The following SHROOM2 variants were observed in gnomAD, a reference collection of about 807,000 sequenced individuals.
The protein encoded by SHROOM2 is shroom family member 2.
In SHROOM2, 33 loss-of-function variants were observed where a neutral mutation model predicts 75.9. The ratio of observed to expected loss-of-function variants is 0.43; its 90% CI spans 0.33 to 0.58. The LOEUF is 0.58. SHROOM2 is among the 20% of genes least tolerant of loss of function. SHROOM2 has a pLI of 0.04. For synonymous variants in SHROOM2, 655 were observed against 663.6 expected (o/e 0.99, Z 0.20); for missense variants, 1,434 against 1,461.2 (o/e 0.98, Z 0.30).
chrX:9,947,091 G>T lies in SHROOM2; in HGVS notation c.*154G>T, dbSNP rs781169320. 1.8e-6 allele frequency: 1 copy of T among 565,087 alleles called. No homozygotes were observed. The highest frequency in any genetic ancestry group is 2.3e-5 in the African/African-American group (1 of 42,930). The allele number at this position is 565,087 out of a possible 1,213,427, so 46.6% of individuals were successfully genotyped here. On this transcript the variant is annotated 3_prime_UTR_variant, in exon 10 of 10. Transcript: ENST00000380913. ...TATAAAAGCAATAACTTTTGTGTTT[G>T]TGTGGGATGATTTATTTAATTTTTT...
At chrX:9,933,988 G>A (rs73476626) in intron 6 of SHROOM2, among the ~76,000 whole-genome samples, 156 of 111,433 alleles carry the variant, frequency 1.4e-3, no homozygotes, top group African/African-American at 4.9e-3. Flanking sequence ...GATGGGAGTG[G>A]GGGGTGCTCT....
intron 5 of SHROOM2, among the ~76,000 whole-genome samples, chrX:9,920,045 T>A (rs902588229): frequency 3.2e-4 from 36 of 111,419 alleles, no homozygotes; most frequent in East Asian, 2.0e-3. Flanking sequence ...ACATCTCAAC[T>A]CACTACAACT....
chrX:9,934,562 A>C (rs989680349), intron 6 of SHROOM2, among the ~76,000 whole-genome samples: 1 of 111,450 alleles, frequency 9.0e-6, no homozygotes, highest in African/African-American at 3.3e-5. Context: ...ACGGCTCATT[A>C]ACAGGAGAAA....
intron 1 of SHROOM2, among the ~76,000 whole-genome samples, chrX:9,789,506 G>A (rs1310644573): frequency 9.0e-6 from 1 of 111,516 alleles, no homozygotes; most frequent in African/African-American, 3.3e-5. Flanking sequence ...AGGAATCTAT[G>A]TAACGGAAGT....
intron 1 of SHROOM2, among the ~76,000 whole-genome samples, chrX:9,863,285 C>T (rs760945797): frequency 2.4e-4 from 27 of 111,375 alleles, no homozygotes; most frequent in Non-Finnish European, 4.3e-4. Context: ...ATCTTCACCT[C>T]ATCTCCCTCC....
intron 1 of SHROOM2, among the ~76,000 whole-genome samples, chrX:9,792,058 A>C (rs1423836753): frequency 9.5e-5 from 2 of 21,118 alleles, no homozygotes; most frequent in Admixed American, 5.4e-4. Context: ...ATAGAATAGA[A>C]TAGAATAGAA....
At chrX:9,788,008 A>G (rs2083625796) in intron 1 of SHROOM2, among the ~76,000 whole-genome samples, 1 of 89,412 alleles carries the variant, frequency 1.1e-5, no homozygotes, top group Non-Finnish European at 2.1e-5. Context: ...TTTTTTTGAG[A>G]CAGGGTCTTG....
chrX:9,858,646 A>G (rs2084085758), intron 1 of SHROOM2, among the ~76,000 whole-genome samples: 1 of 111,135 alleles, frequency 9.0e-6, no homozygotes, highest in African/African-American at 3.3e-5. Context: ...TACTAAAAAT[A>G]CAAAAACAAT....
chrX:9,791,996 G>T (rs1230523245), intron 1 of SHROOM2, among the ~76,000 whole-genome samples: 3 of 18 alleles, frequency 0.17, no homozygotes, highest in Non-Finnish European at 0.6. Flanking sequence ...GAATAGAATA[G>T]AATAGAATAG....
chrX:9,922,733 T>C (rs980128636), intron 5 of SHROOM2, among the ~76,000 whole-genome samples: 1 of 111,224 alleles, frequency 9.0e-6, no homozygotes, highest in Non-Finnish European at 1.9e-5. Flanking sequence ...GTTGTTTCTC[T>C]GGGAGCGGTG....
chrX:9,946,747 G>A lies in SHROOM2; in HGVS notation c.4661G>A (p.Arg1554His), dbSNP rs758614918. 104 of 1,203,094 alleles carry A rather than the reference G, an allele frequency of 8.6e-5. No individual in the cohort carries two copies. Among genetic ancestry groups the A allele is most frequent in the Non-Finnish European group, 1.1e-4 (101 of 891,217 alleles). Reference protein sequence around the residue: ...DAKELKENLDRRERIVFDILA... With the variant: ...DAKELKENLDHRERIVFDILA... The stretch of plus-strand genomic sequence containing the variant: ...AAGGAGCTCAAGGAGAACCTGGACC[G>A]CCGCGAGCGCATCGTCTTTGACATT... The change falls in exon 10 of 10, where the codon CGC becomes CAC. Residue 1554 changes from arginine (R) to histidine (H), a missense_variant. Around this residue, in one of 3 missense-constraint regions of SHROOM2, gnomAD observed 80 missense variants for 88.4 expected, o/e 0.90. Coordinates refer to ENST00000380913, the MANE Select transcript of SHROOM2 (RefSeq NM_001649.4).
intron 1 of SHROOM2, among the ~76,000 whole-genome samples, chrX:9,823,047 C>T (rs1338715495): frequency 1.3e-3 from 110 of 86,873 alleles, no homozygotes; most frequent in African/African-American, 4.4e-3. Flanking sequence ...TCCTCCTCCT[C>T]CTCCTCCTCC....
At chrX:9,926,714 C>T (rs1172476801) in intron 5 of SHROOM2, among the ~76,000 whole-genome samples, 2 of 111,151 alleles carry the variant, frequency 1.8e-5, no homozygotes. Context: ...TATGATGGTT[C>T]GGTGGATACA....
At chrX:9,901,028 A>C (rs138908756) in intron 5 of SHROOM2, among the ~76,000 whole-genome samples, 1,766 of 110,883 alleles carry the variant, frequency 0.016, 37 homozygotes, top group African/African-American at 0.053. Context: ...CAAACAACAG[A>C]AGTGGATTCT....
chrX:9,865,831 A>T (rs1198329639), intron 1 of SHROOM2, among the ~76,000 whole-genome samples: 1 of 109,810 alleles, frequency 9.1e-6, no homozygotes, highest in Non-Finnish European at 1.9e-5. Context: ...AAGTGCTGAG[A>T]TTACAAGCGT....
In SHROOM2 at chrX:9,847,127, G is replaced by A. The variant is rs188202493; in HGVS notation, c.166-26525G>A. Among the ~76,000 whole-genome samples the A allele has an allele frequency of 4.5e-5, 5 of 112,284 alleles. No homozygotes were observed. The East Asian group carries it at 1.1e-3, about 25-fold the overall frequency. On this transcript the variant is annotated intron_variant, in intron 1 of 9. Transcript: ENST00000380913. ...TGTTAGCTCAGTATCCATGAAACCC[G>A]ACAAACCTCTTTCTAGAATGAGGCC...
chrX:9,945,083 CTTTTA>C (rs980118434), intron 9 of SHROOM2, among the ~76,000 whole-genome samples, 170 bp downstream of exon 9: 1 of 102,666 alleles, frequency 9.7e-6, no homozygotes, highest in Non-Finnish European at 2.0e-5. Flanking sequence ...CCTCTCCTTC[CTTTTA>C]TATTTCTTTA....
chrX:9,880,838 CA>C (rs1287759786), intron 2 of SHROOM2, among the ~76,000 whole-genome samples: 1 of 112,087 alleles, frequency 8.9e-6, no homozygotes, highest in East Asian at 2.8e-4. Flanking sequence ...CACACACACT[CA>C]AACCCCTCCT....
intron 9 of SHROOM2, among the ~76,000 whole-genome samples, chrX:9,945,913 A>G (rs990173554): frequency 9.7e-5 from 11 of 112,920 alleles, no homozygotes; most frequent in Non-Finnish European, 1.7e-4. Flanking sequence ...TATCATGAAT[A>G]AAACATCTTA....
Sources: gnomAD v4.1 joint callset for allele counts (sites outside exome capture counted in the v4.1 genomes callset) on GRCh38, gnomAD v4.1.1 for gene constraint, gnomAD v4.1.1 regional missense constraint, MANE v1.5 for transcripts, NCBI Gene and HGNC (gene_info 2026-07-23, HGNC 2026-07-21) for gene names.